The following PDE1A variants were observed in gnomAD, a reference collection of about 807,000 sequenced individuals.
PDE1A encodes dual specificity calcium/calmodulin-dependent 3',5'-cyclic nucleotide phosphodiesterase 1A.
Under a neutral mutation model 61.7 loss-of-function variants are expected in PDE1A, and 35 were observed. That is an observed-to-expected ratio of 0.57 (90% CI 0.43 to 0.75). The LOEUF (loss-of-function observed/expected upper bound fraction) is 0.75, where lower values mean the gene tolerates loss of function less well. PDE1A is among the 30% of genes least tolerant of loss of function. PDE1A has a pLI of 0.00. For missense variants in PDE1A, 597 were observed against 630.6 expected (o/e 0.95, Z 0.57); for synonymous variants, 232 against 213.2 (o/e 1.09, Z -0.77).
At chr2:182,659,117 T>G in the PDE1A span, among the ~76,000 whole-genome samples, 3 of 152,156 alleles carry the variant, frequency 2.0e-5, no homozygotes, top group African/African-American at 7.2e-5. Context: ...CATCCATCTC[T>G]CTATTTGTAA....
intron 1 of PDE1A, among the ~76,000 whole-genome samples, chr2:182,416,526 C>T (rs17343395): frequency 0.037 from 5,632 of 152,152 alleles, 150 homozygotes; most frequent in Middle Eastern, 0.078. Context: ...TTAACTATTC[C>T]TTCAACTAGG....
At chr2:182,297,982 A>G (rs1405176260) in intron 1 of PDE1A, among the ~76,000 whole-genome samples, 5 of 152,228 alleles carry the variant, frequency 3.3e-5, no homozygotes, top group African/African-American at 1.2e-4. Context: ...TGGAGGAATC[A>G]TATGCAAAGA....
At chr2:182,655,673 G>T in the PDE1A span, among the ~76,000 whole-genome samples, 1 of 152,224 alleles carries the variant, frequency 6.6e-6, no homozygotes, top group African/African-American at 2.4e-5. Flanking sequence ...TCTTTCAGGA[G>T]AGTTTTCTTT....
At chr2:182,586,814 T>A in the PDE1A span, among the ~76,000 whole-genome samples, 1 of 152,210 alleles carries the variant, frequency 6.6e-6, no homozygotes, top group South Asian at 2.1e-4. Flanking sequence ...TAAATGTTTA[T>A]CAGATGCATA....
At chr2:182,368,565 G>A (rs1329283862) in intron 1 of PDE1A, among the ~76,000 whole-genome samples, 1 of 151,578 alleles carries the variant, frequency 6.6e-6, no homozygotes, top group African/African-American at 2.4e-5. Flanking sequence ...GGGGCTGAGA[G>A]AGATTAAATG....
At chr2:182,250,557 C>G (rs4144788) in intron 2 of PDE1A, among the ~76,000 whole-genome samples, 1 of 123,462 alleles carries the variant, frequency 8.1e-6, no homozygotes, top group African/African-American at 2.5e-5. Context: ...ATCTCAATAG[C>G]TTTTTTTTAA....
chr2:182,211,159 C>G lies in PDE1A; in HGVS notation c.777-5094G>C, dbSNP rs146818626. On this transcript the variant is annotated intron_variant, in intron 7 of 13. Transcript: ENST00000351439. ...CACATTGGGAGTTATGTTTGCAACACATGAATTCTGGGAAACACATTCAAA... is the reference window on the plus strand; with the variant it reads ...CACATTGGGAGTTATGTTTGCAACAGATGAATTCTGGGAAACACATTCAAA... Among the ~76,000 whole-genome samples the G allele has an allele frequency of 4.3e-3, 652 of 152,306 alleles. 4 individuals are homozygous for G. Among genetic ancestry groups the G allele is most frequent in the African/African-American group, 0.015 (626 of 41,552 alleles).
chr2:182,144,226 G>A (rs541389646), downstream of PDE1A, among the ~76,000 whole-genome samples: 7 of 152,308 alleles, frequency 4.6e-5, no homozygotes, highest in South Asian at 1.5e-3. Context: ...TCCTCCCAGT[G>A]GGTAACAGGT....
At chr2:182,589,269 G>GAGGGAGGA in the PDE1A span, among the ~76,000 whole-genome samples, 1,393 of 121,876 alleles carry the variant, frequency 0.011, 10 homozygotes, top group South Asian at 0.019. Context: ...GGGAGGGAGG[G>GAGGGAGGA]AGGAAGGAAG....
At chr2:182,439,883 G>C (rs966180694) in intron 2 of PDE1A, among the ~76,000 whole-genome samples, 1 of 152,098 alleles carries the variant, frequency 6.6e-6, no homozygotes, top group Non-Finnish European at 1.5e-5. Context: ...CTTTGAGCAA[G>C]TTGTTGTTTC....
rs182221333 is a variant in PDE1A at position 182,153,648 on chromosome 2, T to C, written c.1517-6496A>G. ...AAGGTAGAGAAGTTGGGGGTGGCAA[T>C]GGAGAGAGAAGCTCTGGAGTGGTGA... On this transcript the variant is annotated intron_variant, in intron 13 of 13. Coordinates refer to the PDE1A transcript ENST00000409365. 3.7e-3 allele frequency among the ~76,000 whole-genome samples: 558 copies of C among 152,244 alleles called. 1 individual carries two copies. The highest frequency in any genetic ancestry group is 6.0e-3 in the Non-Finnish European group (407 of 68,020).
At chr2:182,360,794 G>A (rs13402461) in intron 1 of PDE1A, among the ~76,000 whole-genome samples, 2 of 151,702 alleles carry the variant, frequency 1.3e-5, no homozygotes, top group East Asian at 3.9e-4. Context: ...TCATAATTCA[G>A]CCCTGTACTC....
At chr2:182,238,463 T>TG (rs1690245380) in intron 3 of PDE1A, among the ~76,000 whole-genome samples, 1 of 151,846 alleles carries the variant, frequency 6.6e-6, no homozygotes, top group Non-Finnish European at 1.5e-5. Context: ...GATGAGGAAG[T>TG]GAGTGGATTC....
chr2:182,633,019 T>C, the PDE1A span, among the ~76,000 whole-genome samples: 1 of 152,224 alleles, frequency 6.6e-6, no homozygotes, highest in African/African-American at 2.4e-5. Flanking sequence ...GTCTTGAGAC[T>C]TCCCTTCAAA....
chr2:182,156,984 TTTATTA>T (rs969970753), intron 13 of PDE1A, among the ~76,000 whole-genome samples: 2 of 150,040 alleles, frequency 1.3e-5, no homozygotes, highest in South Asian at 2.1e-4. Flanking sequence ...TTTTTATTTT[TTTATTA>T]TTATTATTAT....
At chr2:182,467,614 C>T (rs1331532047) in intron 2 of PDE1A, among the ~76,000 whole-genome samples, 1 of 151,690 alleles carries the variant, frequency 6.6e-6, no homozygotes, top group South Asian at 2.1e-4. Context: ...AACTGCAGAC[C>T]AATACCACTT....
chr2:182,169,048 TA>T (rs141083496), intron 13 of PDE1A, among the ~76,000 whole-genome samples: 4,916 of 152,132 alleles, frequency 0.032, 255 homozygotes, highest in African/African-American at 0.11. Context: ...AATATAATGC[TA>T]TTTTTTATAA....
intron 7 of PDE1A, among the ~76,000 whole-genome samples, chr2:182,211,066 AT>A (rs748364071): frequency 2.0e-5 from 3 of 152,158 alleles, no homozygotes; most frequent in Non-Finnish European, 4.4e-5. Flanking sequence ...GGCAAGCCCC[AT>A]TTTATAATGG....
At chr2:182,659,784 C>A in the PDE1A span, among the ~76,000 whole-genome samples, 4 of 152,118 alleles carry the variant, frequency 2.6e-5, no homozygotes. Context: ...GCCTTGTAAA[C>A]TATAAATGTA....
Sources: gnomAD v4.1 joint callset for allele counts (sites outside exome capture counted in the v4.1 genomes callset) on GRCh38, gnomAD v4.1.1 for gene constraint, MANE v1.5 for transcripts, NCBI Gene and HGNC (gene_info 2026-07-23, HGNC 2026-07-21) for gene names.